TMPRSS7: variants seen among roughly 807,000 people sequenced by gnomAD.
TMPRSS7 encodes the protein transmembrane protease serine 7.
In TMPRSS7, 81 loss-of-function variants were observed where a neutral mutation model predicts 95.6. The ratio of observed to expected loss-of-function variants is 0.85; its 90% CI spans 0.71 to 1.02. The LOEUF is 1.02. Ranked by LOEUF, TMPRSS7 falls within the 50% of genes least tolerant of loss-of-function variation. TMPRSS7 has a pLI of 0.00. For synonymous variants in TMPRSS7, 364 were observed against 337.8 expected (o/e 1.08, Z -0.85); for missense variants, 945 against 955.2 (o/e 0.99, Z 0.14).
chr3:112,053,013 C>T lies in TMPRSS7; in HGVS notation c.1203+2230C>T, dbSNP rs527929525. ...AGGAGGCAGGAAACAGCAGGACAAA[C>T]GTGTTAGCTGTTGTCATCTCTCAGA... On this transcript the variant is annotated intron_variant, in intron 9 of 17. Coordinates refer to ENST00000452346, the Ensembl canonical transcript of TMPRSS7. Among the ~76,000 whole-genome samples, 550 of 152,096 alleles carry T rather than the reference C, an allele frequency of 3.6e-3. 4 individuals are homozygous for T. Among genetic ancestry groups the T allele is most frequent in the Non-Finnish European group, 5.4e-3 (369 of 67,996 alleles).
rs1019165266 is a variant in TMPRSS7 at position 112,048,807 on chromosome 3, C to G, written c.959+840C>G. Among the ~76,000 whole-genome samples the G allele has an allele frequency of 2.6e-5, 4 of 152,194 alleles. No individual in the cohort carries two copies. The South Asian group carries it at 8.3e-4, about 32-fold the overall frequency. Reference sequence around the variant, plus strand: ...TCCTCCATCATCAGCTTCTTTTCATCCTTTCAGACATATTTACTTATCTCA... The same window carrying G: ...TCCTCCATCATCAGCTTCTTTTCATGCTTTCAGACATATTTACTTATCTCA... On this transcript the variant is annotated intron_variant, in intron 7 of 17. Transcript: ENST00000452346.
intron 7 of TMPRSS7, among the ~76,000 whole-genome samples, chr3:112,049,577 C>T (rs879873243): frequency 2.6e-5 from 4 of 152,116 alleles, no homozygotes; most frequent in African/African-American, 4.8e-5. Flanking sequence ...TACTTTTATG[C>T]CGTATTTGTG....
At chr3:112,074,201 A>T (rs2073686265) in intron 13 of TMPRSS7, 95 bp from the exon 14 acceptor site, 1 of 882,398 alleles carries the variant, frequency 1.1e-6, no homozygotes, top group Non-Finnish European at 1.8e-6. Context: ...TGATTAAACC[A>T]TTTTTTATGG....
Position 112,050,799 on chromosome 3 carries a change from C to T in TMPRSS7, c.1203+16C>T. ...GAAATTTCAGGTAGCCTAGTTCTAC[C>T]AGTGTCTTAGAAAAATATTACTGCT... On this transcript the variant is annotated intron_variant, in intron 9 of 17. Coordinates refer to ENST00000452346, the Ensembl canonical transcript of TMPRSS7. 1 of 1,437,518 alleles carries T rather than the reference C, an allele frequency of 7.0e-7. No individual in the cohort carries two copies. The allele number at this position is 1,437,518 out of a possible 1,614,324, so 89.0% of individuals were successfully genotyped here.
intron 13 of TMPRSS7, among the ~76,000 whole-genome samples, chr3:112,074,031 G>A (rs1204351995): frequency 6.6e-6 from 1 of 152,194 alleles, no homozygotes; most frequent in Non-Finnish European, 1.5e-5. Context: ...ACTTCTTCAT[G>A]TCTCACCTGC....
intron 13 of TMPRSS7, among the ~76,000 whole-genome samples, chr3:112,069,004 C>A (rs1006215660): frequency 6.6e-6 from 1 of 152,174 alleles, no homozygotes. Context: ...TCCATCAATA[C>A]CTAGTTCATT....
chr3:112,054,932 A>G (rs811808), intron 9 of TMPRSS7, among the ~76,000 whole-genome samples: 136,523 of 151,544 alleles, frequency 0.9, 62,114 homozygotes, highest in East Asian at 1. Flanking sequence ...GTAGAGACGG[A>G]GTTTCACCGT....
At chr3:112,049,941 A>T (rs1434321116) in exon 8 of TMPRSS7, 1 of 1,575,474 alleles carries the variant, frequency 6.3e-7, no homozygotes, top group African/African-American at 1.3e-5. Flanking sequence ...GCTCTCAGGA[A>T]TCCGGGCATA....
chr3:112,066,346 T>C (rs1559961110), intron 12 of TMPRSS7, 46 bp from the exon 13 acceptor site: 1 of 1,551,962 alleles, frequency 6.4e-7, no homozygotes, highest in Non-Finnish European at 8.9e-7. Context: ...AGAACCCAGC[T>C]GGTGTCTCAG....
exon 15 of TMPRSS7, chr3:112,075,372 C>T (rs1576123360): frequency 1.3e-6 from 2 of 1,509,124 alleles, no homozygotes; most frequent in South Asian, 1.3e-5. Context: ...GGCACAGACA[C>T]CCTGGAGGGG....
chr3:112,071,154 C>G (rs1178224527), intron 13 of TMPRSS7, among the ~76,000 whole-genome samples: 3 of 152,176 alleles, frequency 2.0e-5, no homozygotes, highest in Admixed American at 6.5e-5. Context: ...GTGACAAAAT[C>G]TCTCAGCATT....
At chr3:112,060,236 C>T (rs893717781) in intron 10 of TMPRSS7, among the ~76,000 whole-genome samples, 11 of 152,126 alleles carry the variant, frequency 7.2e-5, no homozygotes, top group African/African-American at 2.2e-4. Flanking sequence ...GATCACAGGA[C>T]CACAGGACCG....
chr3:112,045,350 G>A (rs560856213), intron 4 of TMPRSS7, among the ~76,000 whole-genome samples: 1 of 152,282 alleles, frequency 6.6e-6, no homozygotes, highest in African/African-American at 2.4e-5. Context: ...GTTTCACCGT[G>A]TTAGTCAGGC....
chr3:112,061,717 T>C (rs976359473), intron 10 of TMPRSS7, 70 bp from the exon 11 acceptor site: 2 of 1,511,538 alleles, frequency 1.3e-6, no homozygotes, highest in Admixed American at 1.9e-5. Flanking sequence ...TATTAGAGAA[T>C]TCACCATGAA....
At chr3:112,058,882 T>C (rs1317523083) in intron 10 of TMPRSS7, among the ~76,000 whole-genome samples, 1 of 152,226 alleles carries the variant, frequency 6.6e-6, no homozygotes, top group Non-Finnish European at 1.5e-5. Flanking sequence ...GTGGGCTGGC[T>C]GAAATCCTAT....
intron 17 of TMPRSS7, 70 bp downstream of exon 17, chr3:112,078,948 A>G: frequency 3.2e-6 from 5 of 1,555,498 alleles, no homozygotes; most frequent in South Asian, 2.3e-5. Context: ...CTTAATCTAC[A>G]TAACACTGGG....
intron 1 of TMPRSS7, among the ~76,000 whole-genome samples, chr3:112,035,616 T>C (rs961980945): frequency 6.6e-6 from 1 of 152,218 alleles, no homozygotes; most frequent in Non-Finnish European, 1.5e-5. Flanking sequence ...TTCTTTGGCA[T>C]TGGCATTCCA....
chr3:112,078,816 G>A (rs768371894), exon 17 of TMPRSS7: 65 of 1,613,972 alleles, frequency 4.0e-5, no homozygotes, highest in South Asian at 1.5e-4. Flanking sequence ...TTCCACCTAC[G>A]GGATCATCAC....
At chr3:112,066,976 C>T (rs1229746729) in intron 13 of TMPRSS7, among the ~76,000 whole-genome samples, 1 of 152,114 alleles carries the variant, frequency 6.6e-6, no homozygotes, top group Admixed American at 6.5e-5. Flanking sequence ...CTATCCCTCC[C>T]CAAGGCCCTT....
Sources: allele counts gnomAD v4.1 joint callset (sites outside exome capture counted in the v4.1 genomes callset), GRCh38; gene constraint gnomAD v4.1.1; transcripts MANE v1.5; gene names NCBI Gene and HGNC (gene_info 2026-07-23, HGNC 2026-07-21).